The following TSPEAR variants were observed in gnomAD, a reference collection of about 807,000 sequenced individuals.
TSPEAR encodes the protein thrombospondin-type laminin G domain and EAR repeat-containing protein.
A neutral mutation model predicts 71.6 loss-of-function variants in TSPEAR; 69 were observed. The ratio of observed to expected loss-of-function variants is 0.96; its 90% CI spans 0.79 to 1.18. The LOEUF is 1.18. Among genes scored for constraint, TSPEAR ranks in the 50% most tolerant of loss-of-function variants. TSPEAR has a pLI of 0.00. For missense variants in TSPEAR, 971 were observed against 894.9 expected, an observed-to-expected ratio of 1.09 and a Z score of -1.09; for synonymous variants, 402 against 387.2, an observed-to-expected ratio of 1.04 and a Z score of -0.45.
intron 1 of TSPEAR, among the ~76,000 whole-genome samples, chr21:44,705,891 T>C (rs1032096656): frequency 6.6e-6 from 1 of 152,148 alleles, no homozygotes; most frequent in African/African-American, 2.4e-5. Context: ...CTCCTTCCCC[T>C]TTTGAAACTC....
In TSPEAR at chr21:44,611,964, G is replaced by C. The variant is rs1007547720; in HGVS notation, c.83-43959C>G. ...AGGGTTGCCTGGAGGCAAAGTCTCAGCCACAACAAGGAAAGGGAAGGCTTG... is the reference window on the plus strand; with the variant it reads ...AGGGTTGCCTGGAGGCAAAGTCTCACCCACAACAAGGAAAGGGAAGGCTTG... On this transcript the variant is annotated intron_variant, in intron 1 of 11. Coordinates refer to ENST00000323084, the MANE Select transcript of TSPEAR (RefSeq NM_144991.3). 11 of 914,688 alleles carry C rather than the reference G, an allele frequency of 1.2e-5. No homozygotes were observed. The African/African-American group carries it at 1.5e-4, about 12-fold the overall frequency. 56.7% of individuals were successfully genotyped at this position (914,688 alleles called of 1,614,324 possible).
chr21:44,590,209 C>G (rs1437005609), intron 1 of TSPEAR, among the ~76,000 whole-genome samples: 1 of 152,246 alleles, frequency 6.6e-6, no homozygotes, highest in East Asian at 1.9e-4. Flanking sequence ...GGAGGCAGAC[C>G]TGGGCTCTCA....
chr21:44,539,214 A>T (rs233315), intron 2 of TSPEAR: 2 of 1,537,442 alleles, frequency 1.3e-6, no homozygotes, highest in Non-Finnish European at 8.7e-7. Flanking sequence ...TAGGTGGGGG[A>T]AGCCACCTAA....
chr21:44,499,715 T>C lies in TSPEAR; in HGVS notation c.*68A>G, dbSNP rs1345625696. ...GCTGGGCCCACCTGGACGTCCAGGG[T>C]CAGTTGGGGGAGGTGCTGGGGTCCC... On this transcript the variant is annotated 3_prime_UTR_variant, in exon 12 of 12. Transcript: ENST00000323084. The C allele has an allele frequency of 6.8e-7, 1 of 1,460,274 alleles. No individual in the cohort carries two copies. The highest frequency in any genetic ancestry group is 9.1e-7 in the Non-Finnish European group (1 of 1,102,012). 90.5% of individuals were successfully genotyped at this position (1,460,274 alleles called of 1,614,324 possible). A position where few individuals can be genotyped will look rare whatever the true frequency, so the allele number is the denominator to read the frequency against.
Position 44,561,766 on chromosome 21 carries a change from A to G in TSPEAR, c.303+6019T>C, listed in dbSNP as rs189268354. On this transcript the variant is annotated intron_variant, in intron 2 of 11. Coordinates refer to ENST00000323084, the MANE Select transcript of TSPEAR (RefSeq NM_144991.3). Reference sequence around the variant, plus strand: ...CTCAATAGATGCAGAAAAGGCCTTCAAGAAAATTCAACATCCCTTCATGTT... The same window carrying G: ...CTCAATAGATGCAGAAAAGGCCTTCGAGAAAATTCAACATCCCTTCATGTT... Among the ~76,000 whole-genome samples the G allele has an allele frequency of 2.6e-3, 389 of 152,326 alleles. 3 individuals carry two copies. Among genetic ancestry groups the G allele is most frequent in the African/African-American group, 8.8e-3 (367 of 41,570 alleles).
At position 44,574,876 on chromosome 21, in the gene TSPEAR, G is replaced by A. The variant is rs201881274; in HGVS notation, c.83-6871C>T. ...TGCCGCCCCGTGTGCAGGCCCGCCT[G>A]CTGCGTGCCCGTCCCTTCCTGCTGT... On this transcript the variant is annotated intron_variant, in intron 1 of 11. Coordinates refer to ENST00000323084, the MANE Select transcript of TSPEAR (RefSeq NM_144991.3). The A allele has an allele frequency of 3.1e-6, 5 of 1,612,034 alleles. No homozygotes were observed. The highest frequency in any genetic ancestry group is 4.2e-6 in the Non-Finnish European group (5 of 1,179,744).
At position 44,506,486 on chromosome 21, in the gene TSPEAR, TCA is replaced by T. The variant is rs1206557417; in HGVS notation, c.1755-1607_1755-1606del. 1.3e-5 allele frequency among the ~76,000 whole-genome samples: 2 copies of T among 152,184 alleles called. No homozygotes were observed. The highest frequency in any genetic ancestry group is 2.9e-5 in the Non-Finnish European group (2 of 68,022). On this transcript the variant is annotated intron_variant, in intron 10 of 11. Transcript: ENST00000323084. This position sits in a 1 kb window ranked among gnomAD's most constrained non-coding sequence, Gnocchi z 4.2. ...TGTGGGGCCGGCCTGCAGCAGGGGC[TCA>T]GACAGGGCCTTGGGAGAGGGAGGGA...
At chr21:44,708,420 G>C (rs545703422) in intron 1 of TSPEAR, among the ~76,000 whole-genome samples, 1 of 152,250 alleles carries the variant, frequency 6.6e-6, no homozygotes, top group East Asian at 1.9e-4. Context: ...ACTCCCTTAG[G>C]CGCTGAAGTC....
At chr21:44,689,059 A>G (rs980724633) in intron 1 of TSPEAR, among the ~76,000 whole-genome samples, 2 of 152,108 alleles carry the variant, frequency 1.3e-5, no homozygotes, top group Admixed American at 1.3e-4. Flanking sequence ...AGCAGAAAAC[A>G]GACCACACAC....
chr21:44,625,344 G>A (rs1269505904), intron 1 of TSPEAR, among the ~76,000 whole-genome samples: 1 of 152,214 alleles, frequency 6.6e-6, no homozygotes, highest in Non-Finnish European at 1.5e-5. Context: ...TGTAGTCCCA[G>A]CAATTTGGGA....
intron 9 of TSPEAR, chr21:44,509,793 C>G (rs1291939975): frequency 8.7e-6 from 2 of 230,398 alleles, no homozygotes; most frequent in African/African-American, 4.6e-5. Flanking sequence ...TGACTTGCTT[C>G]TCAGCAATCC....
chr21:44,512,541 G>A (rs2052421323), intron 9 of TSPEAR, among the ~76,000 whole-genome samples: 2 of 152,180 alleles, frequency 1.3e-5, no homozygotes, highest in Non-Finnish European at 2.9e-5. Flanking sequence ...AGGGGCAGGT[G>A]GCAGGAGCGT....
chr21:44,694,484 G>C (rs968807756), intron 1 of TSPEAR, among the ~76,000 whole-genome samples: 10 of 152,144 alleles, frequency 6.6e-5, no homozygotes, highest in African/African-American at 2.4e-4. Context: ...TCCTAGAGGT[G>C]AACAGTGGTG....
At chr21:44,671,104 C>T (rs1986035893) in intron 1 of TSPEAR, among the ~76,000 whole-genome samples, 1 of 152,234 alleles carries the variant, frequency 6.6e-6, no homozygotes, top group African/African-American at 2.4e-5. Flanking sequence ...CAATGCCAGC[C>T]ATCTATGCAC....
At chr21:44,547,530 T>C (rs2053320714) in intron 2 of TSPEAR, among the ~76,000 whole-genome samples, 1 of 152,232 alleles carries the variant, frequency 6.6e-6, no homozygotes, top group African/African-American at 2.4e-5. Context: ...TGCAGTTTGC[T>C]GTTGCTGATT....
chr21:44,543,960 A>G (rs2053262013), intron 2 of TSPEAR, among the ~76,000 whole-genome samples: 2 of 152,276 alleles, frequency 1.3e-5, no homozygotes, highest in African/African-American at 4.8e-5. Context: ...CAGTAAAGCA[A>G]GGAGATAAAA....
At chr21:44,636,447 C>T (rs587716561) in intron 1 of TSPEAR, among the ~76,000 whole-genome samples, 55 of 152,310 alleles carry the variant, frequency 3.6e-4, no homozygotes, top group East Asian at 2.7e-3. Flanking sequence ...CTTCAGTGAG[C>T]GTGGCCTGGG....
chr21:44,513,993 C>T (rs587616369), intron 9 of TSPEAR, among the ~76,000 whole-genome samples: 1 of 152,280 alleles, frequency 6.6e-6, no homozygotes, highest in East Asian at 1.9e-4. Context: ...CTTGGGTGCC[C>T]CCCGTGCTCT....
chr21:44,521,957 C>T lies in TSPEAR; in HGVS notation c.1492G>A (p.Gly498Ser), dbSNP rs146525613. ...TGCGAGTGCACCTTGGTGGAGGTGC[C>T]GTTGAAGGTGTTGGCCACCACCAGG... is the stretch of plus-strand genomic sequence containing the variant. Reference protein sequence around the residue: ...SFLVVANTFNGTSTKVHSHLY... With the variant: ...SFLVVANTFNSTSTKVHSHLY... Residue 498 changes from glycine (G) to serine (S), a missense_variant, in exon 9 of 12, where the codon GGC (glycine) becomes AGC (serine). By Grantham distance (56) the Gly-to-Ser change is moderately conservative. Transcript: ENST00000323084. 2.1e-5 allele frequency: 34 copies of T among 1,613,892 alleles called. 1 individual carries two copies. The African/African-American group carries it at 2.3e-4, about 11-fold the overall frequency.
Sources: allele counts gnomAD v4.1 joint callset (sites outside exome capture counted in the v4.1 genomes callset), GRCh38; gene constraint gnomAD v4.1.1; non-coding constraint Gnocchi (gnomAD v3.1); transcripts MANE v1.5; gene names NCBI Gene and HGNC (gene_info 2026-07-23, HGNC 2026-07-21).